Variants in FGF12 observed in about 807,000 individuals in gnomAD.
FGF12 encodes the protein fibroblast growth factor 12.
FGF12 carries 14 observed loss-of-function variants against 23.6 expected under a neutral mutation model. That is an observed-to-expected ratio of 0.59 (90% CI 0.39 to 0.93). FGF12 has a LOEUF of 0.93. FGF12 is among the 40% of genes least tolerant of loss of function. The pLI is 0.00. For synonymous variants in FGF12, 62 were observed against 77.3 expected (o/e 0.80, Z 1.04); for missense variants, 175 against 217.8 (o/e 0.80, Z 1.24).
At chr3:192,228,266 A>G (rs1718840645) in intron 4 of FGF12, among the ~76,000 whole-genome samples, 1 of 152,112 alleles carries the variant, frequency 6.6e-6, no homozygotes. Flanking sequence ...ATAAAAAATT[A>G]TTTGTCAATT....
intron 2 of FGF12, among the ~76,000 whole-genome samples, chr3:192,499,217 A>G (rs1443057324): frequency 1.3e-5 from 2 of 152,054 alleles, no homozygotes; most frequent in African/African-American, 2.4e-5. Flanking sequence ...AGCAAGGATG[A>G]TCATAATCAC....
intron 2 of FGF12, among the ~76,000 whole-genome samples, chr3:192,613,957 A>G (rs1714651148): frequency 6.6e-6 from 1 of 151,906 alleles, no homozygotes; most frequent in Admixed American, 6.6e-5. Context: ...TCAACCTTGG[A>G]ATGATGGATG....
rs529764783 is a variant in FGF12, at chr3:192,460,671, C to A, written c.14-100133G>T. 1.3e-3 allele frequency among the ~76,000 whole-genome samples: 187 copies of A among 138,522 alleles called. 1 individual carries two copies. Among genetic ancestry groups the A allele is most frequent in the African/African-American group, 5.0e-3 (177 of 35,424 alleles). The allele number at this position is 138,522 out of a possible 152,430, so 90.9% of individuals were successfully genotyped here. ...ACAAATATATACATATACACACACA[C>A]ACACATATATTTATATATATATATA... is the stretch of plus-strand genomic sequence containing the variant. On this transcript the variant is annotated intron_variant, in intron 2 of 5. Coordinates refer to ENST00000445105, the MANE Select transcript of FGF12 (RefSeq NM_004113.6).
chr3:192,557,888 C>A (rs1289359920), intron 2 of FGF12, among the ~76,000 whole-genome samples: 1 of 151,654 alleles, frequency 6.6e-6, no homozygotes, highest in Non-Finnish European at 1.5e-5. Flanking sequence ...TTAACAAACA[C>A]TCAAAAAACT....
chr3:192,518,459 T>C (rs921272786), intron 2 of FGF12, among the ~76,000 whole-genome samples: 2 of 152,214 alleles, frequency 1.3e-5, no homozygotes, highest in Admixed American at 6.5e-5. Flanking sequence ...TATTTTTCTA[T>C]TAAGACTAAA....
chr3:192,373,028 A>T (rs1719305460), intron 2 of FGF12, among the ~76,000 whole-genome samples: 2 of 152,162 alleles, frequency 1.3e-5, no homozygotes, highest in Admixed American at 6.5e-5. Context: ...ACAATTTCAT[A>T]GAGGTCTTGT....
chr3:192,387,147 T>G (rs569804182), intron 2 of FGF12, among the ~76,000 whole-genome samples: 13 of 152,330 alleles, frequency 8.5e-5, no homozygotes, highest in African/African-American at 3.1e-4. Context: ...CGTAATCAGA[T>G]CCCGTTACTA....
At chr3:192,317,058 A>C (rs939459435) in intron 4 of FGF12, among the ~76,000 whole-genome samples, 3 of 152,108 alleles carry the variant, frequency 2.0e-5, no homozygotes, top group African/African-American at 4.8e-5. Flanking sequence ...AGCTAACTAA[A>C]GAGCCCTTGG....
intron 4 of FGF12, among the ~76,000 whole-genome samples, chr3:192,211,523 T>G (rs1018552859): frequency 6.6e-6 from 1 of 150,496 alleles, no homozygotes; most frequent in Non-Finnish European, 1.5e-5. Flanking sequence ...CCTCCCAGGT[T>G]CAAGCAGTTC....
chr3:192,588,349 C>CAAAA (rs1201739223), intron 2 of FGF12, among the ~76,000 whole-genome samples: 12,387 of 66,166 alleles, frequency 0.19, 1,348 homozygotes, highest in Non-Finnish European at 0.25. Context: ...CAATCCGTCT[C>CAAAA]AAAAAAAAAA....
intron 2 of FGF12, among the ~76,000 whole-genome samples, chr3:192,453,241 T>G (rs1004911651): frequency 2.0e-5 from 3 of 152,244 alleles, no homozygotes; most frequent in Non-Finnish European, 4.4e-5. Flanking sequence ...TTAATTTCAA[T>G]TATATCTTTC....
chr3:192,405,099 A>G (rs1720908927), intron 2 of FGF12, among the ~76,000 whole-genome samples: 1 of 150,568 alleles, frequency 6.6e-6, no homozygotes, highest in Non-Finnish European at 1.5e-5. Flanking sequence ...GATAAATTAC[A>G]AACTTGCAAT....
At position 192,362,218 on chromosome 3, in the gene FGF12, C is replaced by T. The variant is rs151170838; in HGVS notation, c.14-1680G>A. On this transcript the variant is annotated intron_variant, in intron 2 of 5. Transcript: ENST00000445105. ...GTCAGGGACACACTTGGCTAGCTAACGTCACTGCAAACAACTCTCTCTTTT... is the reference window on the plus strand; with the variant it reads ...GTCAGGGACACACTTGGCTAGCTAATGTCACTGCAAACAACTCTCTCTTTT... Among the ~76,000 whole-genome samples the T allele has an allele frequency of 3.9e-4, 60 of 152,158 alleles. 1 individual carries two copies. The East Asian group carries it at 0.01, about 26-fold the overall frequency.
intron 2 of FGF12, among the ~76,000 whole-genome samples, chr3:192,541,709 C>G (rs1725370152): frequency 6.6e-6 from 1 of 151,836 alleles, no homozygotes; most frequent in African/African-American, 2.4e-5. Flanking sequence ...GAGGACATGT[C>G]TGATGTTAAT....
At chr3:192,378,067 T>TTTC in intron 2 of FGF12, among the ~76,000 whole-genome samples, 1 of 123,190 alleles carries the variant, frequency 8.1e-6, no homozygotes, top group Admixed American at 8.4e-5. Flanking sequence ...TCTTTCTTTC[T>TTTC]TTCTTTCTTT....
At position 192,641,101 on chromosome 3, in the gene FGF12, C is replaced by CTTT. The variant is rs1164796476; in HGVS notation, c.13+86077_13+86079dup. Among the ~76,000 whole-genome samples the CTTT allele has an allele frequency of 9.7e-4, 55 of 56,686 alleles. 1 individual carries two copies. The highest frequency in any genetic ancestry group is 1.5e-3 in the Non-Finnish European group (46 of 30,078). The allele number at this position is 56,686 out of a possible 152,430, so 37.2% of individuals were successfully genotyped here. On this transcript the variant is annotated intron_variant, in intron 2 of 5. Coordinates refer to ENST00000445105, the MANE Select transcript of FGF12 (RefSeq NM_004113.6). ...GTGAGCCATAGTGCCTGGCCTTTCA[C>CTTT]TTTTTTTTTTTTTTTTTTTTTTGAG...
intron 2 of FGF12, among the ~76,000 whole-genome samples, chr3:192,452,169 G>T (rs1466309950): frequency 6.6e-6 from 1 of 152,104 alleles, no homozygotes; most frequent in East Asian, 1.9e-4. Flanking sequence ...AATTGAGAAA[G>T]ATCCTTATAT....
chr3:192,616,180 T>C (rs185683197), intron 2 of FGF12, among the ~76,000 whole-genome samples: 216 of 152,192 alleles, frequency 1.4e-3, no homozygotes, highest in African/African-American at 4.9e-3. Flanking sequence ...TTTATTGGAA[T>C]CATTGGCAAA....
intron 2 of FGF12, among the ~76,000 whole-genome samples, chr3:192,364,627 C>G (rs1287082941): frequency 6.6e-6 from 1 of 152,180 alleles, no homozygotes; most frequent in Admixed American, 6.5e-5. Flanking sequence ...CCTCCACACT[C>G]TCTTTTCCTT....
Sources: allele counts gnomAD v4.1 joint callset (sites outside exome capture counted in the v4.1 genomes callset), GRCh38; gene constraint gnomAD v4.1.1; transcripts MANE v1.5; gene names NCBI Gene and HGNC (gene_info 2026-07-23, HGNC 2026-07-21).